Variants in MCFD2 observed in about 807,000 individuals in gnomAD.
The protein encoded by MCFD2 is multiple coagulation factor deficiency protein 2.
Under a neutral mutation model 12.8 loss-of-function variants are expected in MCFD2, and 11 were observed. The ratio of observed to expected loss-of-function variants is 0.86; its 90% CI spans 0.54 to 1.42. The LOEUF is 1.42. MCFD2 is among the 40% of genes most tolerant of loss of function. MCFD2 has a pLI of 0.00. For synonymous variants in MCFD2, 70 were observed against 68.1 expected, an observed-to-expected ratio of 1.03 and a Z score of -0.14; for missense variants, 191 against 178.6, an observed-to-expected ratio of 1.07 and a Z score of -0.40.
upstream of MCFD2, chr2:46,915,806 G>GGGGGGGGGGGC: frequency 2.0e-6 from 1 of 512,582 alleles, no homozygotes; most frequent in Non-Finnish European, 2.1e-6. Flanking sequence ...CCTCGGCTTC[G>GGGGGGGGGGGC]CCCCGCCCCC....
upstream of MCFD2, among the ~76,000 whole-genome samples, chr2:46,919,753 A>G (rs1192621047): frequency 1.3e-5 from 2 of 152,194 alleles, no homozygotes; most frequent in Non-Finnish European, 2.9e-5. Context: ...CAAGTAGAGG[A>G]AAAAACAAGG....
At chr2:46,920,568 T>C (rs546834244), upstream of MCFD2, among the ~76,000 whole-genome samples, 2 of 151,880 alleles carry the variant, frequency 1.3e-5, no homozygotes, top group East Asian at 3.9e-4. Flanking sequence ...TGAACTCACG[T>C]GATCTGCCTG....
chr2:46,915,925 G>T (rs1157886143), upstream of MCFD2: 3 of 985,296 alleles, frequency 3.0e-6, no homozygotes, highest in Non-Finnish European at 3.6e-6. Context: ...GCTCGCGTGA[G>T]TCCACGTGTA....
chr2:46,922,197 G>A (rs1286440855), intron 1 of MCFD2, among the ~76,000 whole-genome samples: 3 of 152,056 alleles, frequency 2.0e-5, no homozygotes, highest in African/African-American at 2.4e-5. Context: ...TTTTAACCGT[G>A]GAGTATTTGT....
chr2:46,924,932 T>C (rs1233419488), intron 1 of MCFD2, among the ~76,000 whole-genome samples: 1 of 152,242 alleles, frequency 6.6e-6, no homozygotes, highest in Non-Finnish European at 1.5e-5. Context: ...ACAGCCTTCA[T>C]TGGATATTTT....
chr2:46,914,509 G>C (rs968756714), intron 1 of MCFD2, among the ~76,000 whole-genome samples: 6 of 152,106 alleles, frequency 3.9e-5, no homozygotes, highest in Non-Finnish European at 8.8e-5. Context: ...AATTGGTTCT[G>C]AAAAAGCAGG....
At position 46,907,377 on chromosome 2, in the gene MCFD2, TTTTTC is replaced by T; in HGVS notation, c.309+428_309+432del. ...AGAGAAAGAAGCAGCAGCACCTTTT[TTTTTC>T]TTTTCTTTTTTTCTCTTTTTGAGAC... On this transcript the variant is annotated intron_variant, in intron 3 of 3. Transcript: ENST00000319466. This position sits in a 1 kb window ranked among gnomAD's most constrained non-coding sequence, Gnocchi z 4.1. The T allele has an allele frequency of 5.1e-6, 1 of 196,758 alleles. No individual in the cohort carries two copies. Among genetic ancestry groups the T allele is most frequent in the South Asian group, 8.8e-5 (1 of 11,304 alleles). The allele number at this position is 196,758 out of a possible 1,614,324, so 12.2% of individuals were successfully genotyped here. A position where few individuals can be genotyped will look rare whatever the true frequency, so the allele number is the denominator to read the frequency against.
chr2:46,934,225 G>A (rs1055148374), intron 1 of MCFD2, among the ~76,000 whole-genome samples: 1 of 152,066 alleles, frequency 6.6e-6, no homozygotes, highest in Non-Finnish European at 1.5e-5. Context: ...ACTGTTTTTT[G>A]CAGAAGTTTT....
At chr2:46,939,620 AAGG>A (rs1670162950) in intron 1 of MCFD2, among the ~76,000 whole-genome samples, 1 of 152,148 alleles carries the variant, frequency 6.6e-6, no homozygotes, top group South Asian at 2.1e-4. Context: ...AGAGGCAGGA[AAGG>A]AGGTCTTATT....
intron 1 of MCFD2, among the ~76,000 whole-genome samples, chr2:46,927,967 C>T (rs1207804767): frequency 7.3e-6 from 1 of 137,568 alleles, no homozygotes; most frequent in Non-Finnish European, 1.5e-5. Flanking sequence ...GGTCATGGCT[C>T]ACTGCAGCCT....
At chr2:46,905,987 T>C (rs1251790324) in intron 3 of MCFD2, 1 of 472,946 alleles carries the variant, frequency 2.1e-6, no homozygotes, top group Non-Finnish European at 4.4e-6. Context: ...ATTTGCCTGA[T>C]AAAATAGAAA....
At chr2:46,925,153 G>A (rs1352395210) in intron 1 of MCFD2, among the ~76,000 whole-genome samples, 2 of 152,046 alleles carry the variant, frequency 1.3e-5, no homozygotes, top group Admixed American at 6.6e-5. Context: ...GGGTTGTCTG[G>A]CTATGTTCCC....
chr2:46,932,020 A>C lies in MCFD2; in HGVS notation c.-8+9552T>G, dbSNP rs890074037. Among the ~76,000 whole-genome samples, 6 of 152,226 alleles carry C rather than the reference A, an allele frequency of 3.9e-5. No individual in the cohort carries two copies. The East Asian group carries it at 1.2e-3, about 29-fold the overall frequency. On this transcript the variant is annotated intron_variant, in intron 1 of 2. Transcript: ENST00000409147. ...AGAAAAATCATATGACAATCTCAGT[A>C]AGTGCAAAGAAGTATTCGTAAAATT...
intron 1 of MCFD2, among the ~76,000 whole-genome samples, chr2:46,927,884 GTT>G (rs566447236): frequency 0.021 from 1,552 of 73,218 alleles, 45 homozygotes; most frequent in African/African-American, 0.085. Context: ...TTTTTTTGGT[GTT>G]TTTTTTTTTT....
In MCFD2 at chr2:46,915,776, C is replaced by T. The variant is rs1179469829; in HGVS notation, c.-60G>A. The T allele has an allele frequency of 2.0e-5, 20 of 979,124 alleles. No individual in the cohort carries two copies. Among genetic ancestry groups the T allele is most frequent in the Non-Finnish European group, 2.4e-5 (20 of 825,146 alleles). The allele number at this position is 979,124 out of a possible 1,614,324, so 60.7% of individuals were successfully genotyped here. The stretch of plus-strand genomic sequence containing the variant: ...CCCTCCAACGTGAGCCTCACCAGCC[C>T]CCGTCCCCAAAACGCTCTTCCTCGG... On this transcript the variant is annotated 5_prime_UTR_variant, in exon 1 of 4. Coordinates refer to ENST00000319466, the MANE Select transcript of MCFD2 (RefSeq NM_139279.6).
intron 1 of MCFD2, among the ~76,000 whole-genome samples, chr2:46,913,034 C>T (rs1200893113): frequency 6.6e-6 from 1 of 152,008 alleles, no homozygotes; most frequent in East Asian, 1.9e-4. Context: ...GGGGGAAATT[C>T]TATTTAGATA....
chr2:46,940,874 G>A lies in MCFD2; in HGVS notation c.-8+698C>T, dbSNP rs937370975. Among the ~76,000 whole-genome samples the A allele has an allele frequency of 2.6e-5, 4 of 152,124 alleles. No homozygotes were observed. The highest frequency in any genetic ancestry group is 9.7e-5 in the African/African-American group (4 of 41,446). On this transcript the variant is annotated intron_variant, in intron 1 of 2. Coordinates refer to the MCFD2 transcript ENST00000409147. The surrounding 1 kb of genome is among the most constrained non-coding windows in gnomAD (Gnocchi z 4.7). ...TCGGCCGGCCTCTCCCCATTTTTGT[G>A]ACGTGTCAGGGGCAGCAGCGGTGAC...
chr2:46,916,038 G>A, upstream of MCFD2: 1 of 985,442 alleles, frequency 1.0e-6, no homozygotes, highest in African/African-American at 1.7e-5. Flanking sequence ...GACGCCCTAG[G>A]GGCCCGGCAG....
Position 46,940,511 on chromosome 2 carries a change from C to CCCTG in MCFD2, c.-8+1057_-8+1060dup, listed in dbSNP as rs1311214257. 3.9e-5 allele frequency among the ~76,000 whole-genome samples: 6 copies of CCCTG among 152,314 alleles called. 1 individual carries two copies. Among genetic ancestry groups the CCCTG allele is most frequent in the East Asian group, 3.9e-4 (2 of 5,162 alleles). The stretch of plus-strand genomic sequence containing the variant: ...GGGCACCCCACAGCCCTGGGCTAAA[C>CCCTG]CCTGCTAAGCACTCCATAGAGCTTT... On this transcript the variant is annotated intron_variant, in intron 1 of 2. Coordinates refer to the MCFD2 transcript ENST00000409147. The surrounding 1 kb of genome is among the most constrained non-coding windows in gnomAD (Gnocchi z 4.7).
Sources: allele counts gnomAD v4.1 joint callset (sites outside exome capture counted in the v4.1 genomes callset), GRCh38; gene constraint gnomAD v4.1.1; non-coding constraint Gnocchi (gnomAD v3.1); transcripts MANE v1.5; gene names NCBI Gene and HGNC (gene_info 2026-07-23, HGNC 2026-07-21).